The following DSE variants were observed in gnomAD, a reference collection of about 807,000 sequenced individuals.
DSE encodes the protein dermatan-sulfate epimerase.
Under a neutral mutation model 84.4 loss-of-function variants are expected in DSE, and 36 were observed. That is an observed-to-expected ratio of 0.43 (90% CI 0.33 to 0.56). The LOEUF is 0.56. Ranked by LOEUF, DSE falls within the 20% of genes least tolerant of loss-of-function variation. The probability of loss-of-function intolerance (pLI) is 0.06; values close to 1 mark genes in which losing one functional copy is unlikely to be tolerated. For missense variants in DSE, 862 were observed against 1,169.6 expected (o/e 0.74, Z 3.84); for synonymous variants, 410 against 430.1 (o/e 0.95, Z 0.58).
intron 2 of DSE, among the ~76,000 whole-genome samples, chr6:116,272,022 TAAAAA>T (rs1772902721): frequency 6.6e-6 from 1 of 152,204 alleles, no homozygotes; most frequent in Admixed American, 6.5e-5. Context: ...TCTATCACCA[TAAAAA>T]AGTTTTCTAT....
intron 2 of DSE, among the ~76,000 whole-genome samples, chr6:116,330,088 G>T (rs879899101): frequency 2.0e-5 from 3 of 152,126 alleles, no homozygotes; most frequent in African/African-American, 7.2e-5. Flanking sequence ...GCCTCCCAAA[G>T]TGCTGGGATT....
upstream of DSE, chr6:116,370,750 C>A: frequency 1.1e-6 from 1 of 881,048 alleles, no homozygotes; most frequent in Non-Finnish European, 1.4e-6. Context: ...AGAGGAGGAG[C>A]GGGAGAAAGC....
intron 2 of DSE, among the ~76,000 whole-genome samples, chr6:116,319,332 T>C (rs1429376262): frequency 6.6e-6 from 1 of 152,234 alleles, no homozygotes; most frequent in Admixed American, 6.5e-5. Context: ...ACATATTTAC[T>C]GTAAGCACGG....
At chr6:116,318,961 G>C (rs529904791) in intron 2 of DSE, among the ~76,000 whole-genome samples, 2 of 152,016 alleles carry the variant, frequency 1.3e-5, no homozygotes. Context: ...TGCCCAAAAC[G>C]CTCTTTTTCT....
rs1781468913 is a variant in DSE at position 116,399,526 on chromosome 6, G to C, written c.276G>C (p.Lys92Asn). Residue 92 changes from lysine (K) to asparagine (N), a missense_variant, in exon 2 of 6, where the codon AAG becomes AAC. Transcript: ENST00000644252. ...AATACCTCCCTCCCTGGGATCCCAA[G>C]GACTACAGTGCCCGCTGGAATGAAA... is the stretch of plus-strand genomic sequence containing the variant. ...PLEYLPPWDP[K>N]DYSARWNEIF... 7 of 1,614,222 alleles carry C rather than the reference G, an allele frequency of 4.3e-6. No individual in the cohort carries two copies. In the East Asian group the frequency reaches 1.3e-4, roughly 31 times the overall value.
chr6:116,299,500 A>ATT (rs60041450), intron 2 of DSE, among the ~76,000 whole-genome samples: 2 of 89,550 alleles, frequency 2.2e-5, no homozygotes, highest in African/African-American at 8.8e-5. Flanking sequence ...TTCTTGAATT[A>ATT]TTTTTATATA....
At chr6:116,329,566 G>C (rs567858176) in intron 2 of DSE, among the ~76,000 whole-genome samples, 1 of 152,140 alleles carries the variant, frequency 6.6e-6, no homozygotes, top group Non-Finnish European at 1.5e-5. Flanking sequence ...TCTGATGAAT[G>C]TATTCTTATT....
At chr6:116,362,710 G>A (rs915641073) in intron 2 of DSE, among the ~76,000 whole-genome samples, 3 of 152,154 alleles carry the variant, frequency 2.0e-5, no homozygotes, top group Admixed American at 1.3e-4. Flanking sequence ...AATCAGTGAT[G>A]CTAATAGCAG....
intron 2 of DSE, among the ~76,000 whole-genome samples, chr6:116,413,520 A>T: frequency 6.6e-6 from 1 of 152,224 alleles, no homozygotes; most frequent in Non-Finnish European, 1.5e-5. Context: ...ATTAAGAAAC[A>T]GTACAGGCCT....
At chr6:116,382,314 G>T (rs1004320121) in intron 1 of DSE, among the ~76,000 whole-genome samples, 2 of 152,102 alleles carry the variant, frequency 1.3e-5, no homozygotes, top group Non-Finnish European at 2.9e-5. Context: ...TATGCCAAAA[G>T]GATTGTAGAA....
chr6:116,399,626 G>A lies in DSE; in HGVS notation c.376G>A (p.Ala126Thr), dbSNP rs868402212. The change falls in exon 2 of 6, where the codon GCC becomes ACC. Residue 126 changes from alanine to threonine, a missense_variant. By Grantham distance (58) the Ala-to-Thr change is moderately conservative. Transcript: ENST00000644252. ...YPENIEARDMAKDYMERMAAQ... is the reference protein window; with the variant it reads ...YPENIEARDMTKDYMERMAAQ... ...TGAGAACATTGAAGCCCGAGACATGGCCAAAGACTACATGGAGAGGATGGC... is the reference window on the plus strand; with the variant it reads ...TGAGAACATTGAAGCCCGAGACATGACCAAAGACTACATGGAGAGGATGGC... The A allele has an allele frequency of 7.4e-6, 12 of 1,614,066 alleles. No homozygotes were observed. In the Admixed American group the frequency reaches 1.3e-4, roughly 18 times the overall value.
chr6:116,314,361 A>G (rs768859531), intron 2 of DSE, among the ~76,000 whole-genome samples: 5 of 152,158 alleles, frequency 3.3e-5, no homozygotes, highest in Non-Finnish European at 7.4e-5. Context: ...GTCATGGGAA[A>G]AAGTTTGAGG....
At chr6:116,430,295 G>A (rs558236017) in intron 3 of DSE, among the ~76,000 whole-genome samples, 6 of 152,308 alleles carry the variant, frequency 3.9e-5, no homozygotes, top group East Asian at 1.9e-4. Context: ...TCCGTTTAGC[G>A]TTTATAATAT....
At position 116,436,309 on chromosome 6, in the gene DSE, A is replaced by G. The variant is rs749683894; in HGVS notation, c.1841A>G (p.Tyr614Cys). Residue 614 changes from tyrosine to cysteine, a missense_variant, in exon 6 of 6, where the codon TAT becomes TGT. By Grantham distance (194) the Tyr-to-Cys change is radical (BLOSUM62 -2). Around this residue, in one of 4 missense-constraint regions of DSE, gnomAD observed 186 missense variants for 255.1 expected, o/e 0.73. Transcript: ENST00000644252. ...TTCATCAGGCAGAGAGATGGTCTCT[A>G]TAAAATGTACTGGATGGACGATACT... ...GAFIRQRDGLYKMYWMDDTGY... is the reference protein window; with the variant it reads ...GAFIRQRDGLCKMYWMDDTGY... 3.3e-5 allele frequency: 54 copies of G among 1,614,062 alleles called. No homozygotes were observed. The highest frequency in any genetic ancestry group is 4.4e-5 in the Non-Finnish European group (52 of 1,180,042).
intron 2 of DSE, chr6:116,279,365 T>C: frequency 6.2e-7 from 1 of 1,612,050 alleles, no homozygotes; most frequent in East Asian, 2.2e-5. Context: ...TTTCCTGTCT[T>C]CACCTCCTCC....
At chr6:116,371,314 C>T (rs148061625) in intron 1 of DSE, among the ~76,000 whole-genome samples, 193 bp downstream of exon 1, 11 of 152,184 alleles carry the variant, frequency 7.2e-5, no homozygotes, top group Non-Finnish European at 1.5e-4. Context: ...GCGCCTGACG[C>T]GTGAAGCCTG....
chr6:116,313,561 T>G (rs1775810693), intron 2 of DSE, among the ~76,000 whole-genome samples: 2 of 152,230 alleles, frequency 1.3e-5, no homozygotes, highest in Non-Finnish European at 2.9e-5. Flanking sequence ...GCATAAGTCC[T>G]TTATAAATTA....
rs116046793 is a variant in DSE, at chr6:116,380,960, A to C, written c.-54+9839A>C. ...ATCCTTCCTTCTTCACCTTAGCCAG[A>C]AGTGTCAGCTCTTCTGTAAATTTCA... On this transcript the variant is annotated intron_variant, in intron 1 of 5. Transcript: ENST00000644252. Among the ~76,000 whole-genome samples the C allele has an allele frequency of 4.6e-3, 704 of 152,232 alleles. 8 individuals are homozygous for C. Among genetic ancestry groups the C allele is most frequent in the African/African-American group, 0.016 (684 of 41,556 alleles).
intron 2 of DSE, chr6:116,279,932 A>G: frequency 1.3e-6 from 2 of 1,538,224 alleles, no homozygotes; most frequent in South Asian, 1.1e-5. Context: ...AGTCTCACTA[A>G]CATTTCAGCG....
Sources: gnomAD v4.1 joint callset for allele counts (sites outside exome capture counted in the v4.1 genomes callset) on GRCh38, gnomAD v4.1.1 for gene constraint, gnomAD v4.1.1 regional missense constraint, MANE v1.5 for transcripts, NCBI Gene and HGNC (gene_info 2026-07-23, HGNC 2026-07-21) for gene names.